BCAS1: variants seen among roughly 807,000 people sequenced by gnomAD.
The protein encoded by BCAS1 is breast carcinoma-amplified sequence 1.
A neutral mutation model predicts 65.4 loss-of-function variants in BCAS1; 46 were observed. That is an observed-to-expected ratio of 0.70 (90% CI 0.55 to 0.90). BCAS1 has a LOEUF of 0.90. BCAS1 is among the 40% of genes least tolerant of loss of function. The pLI, the probability that BCAS1 is intolerant of heterozygous loss-of-function variation, is 0.00. For synonymous variants in BCAS1, 298 were observed against 293.5 expected (o/e 1.02, Z -0.16); for missense variants, 793 against 771.2 (o/e 1.03, Z -0.33).
intron 3 of BCAS1, among the ~76,000 whole-genome samples, chr20:54,046,759 C>A (rs1473575047): frequency 6.7e-6 from 1 of 148,428 alleles, no homozygotes; most frequent in Non-Finnish European, 1.5e-5. Context: ...GCAGGAGAAT[C>A]ACTTGATCTG....
chr20:54,045,200 G>T (rs1325800446), intron 3 of BCAS1, among the ~76,000 whole-genome samples: 1 of 140,084 alleles, frequency 7.1e-6, no homozygotes, highest in Non-Finnish European at 1.5e-5. Flanking sequence ...GACAGAGCAA[G>T]ACCTCATCTC....
Position 54,028,472 on chromosome 20 carries a change from C to T in BCAS1, c.643G>A (p.Ala215Thr), listed in dbSNP as rs1341711137. The change falls in exon 4 of 13, where the codon GCC becomes ACC. Residue 215 changes from alanine (A) to threonine (T), a missense_variant. Physicochemically the swap from Ala to Thr is moderately conservative, Grantham distance 58. Coordinates refer to ENST00000688948, the MANE Select transcript of BCAS1 (RefSeq NM_001366298.2). The part of the protein sequence containing the change: ...EKVPGDSQQE[A>T]KRAEHQDKVD... ...TTGTCTTGATGCTCTGCCCTCTTGGCTTCCTGTTGGCTGTCACCTGGCACC... is the reference window on the plus strand; with the variant it reads ...TTGTCTTGATGCTCTGCCCTCTTGGTTTCCTGTTGGCTGTCACCTGGCACC... 1.2e-6 allele frequency: 2 copies of T among 1,614,240 alleles called. No individual in the cohort carries two copies. The highest frequency in any genetic ancestry group is 1.7e-6 in the Non-Finnish European group (2 of 1,180,042).
At position 54,034,573 on chromosome 20, in the gene BCAS1, T is replaced by A. The variant is rs1173691794; in HGVS notation, c.143-5601A>T. ...GTAAAATACCTAGGAAAACAGCTAA[T>A]TAGGGAGGTGAAAGATCTCTACAAG... On this transcript the variant is annotated intron_variant, in intron 3 of 12. Coordinates refer to ENST00000688948, the MANE Select transcript of BCAS1 (RefSeq NM_001366298.2). 1.3e-5 allele frequency among the ~76,000 whole-genome samples: 2 copies of A among 150,910 alleles called. 1 individual carries two copies. The highest frequency in any genetic ancestry group is 3.0e-5 in the Non-Finnish European group (2 of 67,464).
intron 7 of BCAS1, among the ~76,000 whole-genome samples, 197 bp downstream of exon 7, chr20:53,992,315 C>T (rs941910342): frequency 6.6e-6 from 1 of 152,086 alleles, no homozygotes; most frequent in Non-Finnish European, 1.5e-5. Flanking sequence ...TAGGAAGACA[C>T]CTGTTTGAAA....
At position 54,028,900 on chromosome 20, in the gene BCAS1, A is replaced by G; in HGVS notation, c.215T>C (p.Val72Ala). The G allele has an allele frequency of 6.2e-7, 1 of 1,613,902 alleles. No homozygotes were observed. The highest frequency in any genetic ancestry group is 8.5e-7 in the Non-Finnish European group (1 of 1,179,972). ...SSPETTEISAVADANGKNLGK... is the reference protein window; with the variant it reads ...SSPETTEISAAADANGKNLGK... Reference sequence around the variant, plus strand: ...AAGATTCTTTCCGTTGGCATCCGCAACAGCACTTATCTCCGTTGTCTCGGG... The same window carrying G: ...AAGATTCTTTCCGTTGGCATCCGCAGCAGCACTTATCTCCGTTGTCTCGGG... Residue 72 changes from valine (V) to alanine (A), a missense_variant, in exon 4 of 13, where the codon GTT (valine) becomes GCT (alanine). By Grantham distance (64) the Val-to-Ala change is moderately conservative. Coordinates refer to ENST00000688948, the MANE Select transcript of BCAS1 (RefSeq NM_001366298.2).
chr20:54,039,725 C>T (rs1018579479), intron 3 of BCAS1, among the ~76,000 whole-genome samples: 2 of 151,178 alleles, frequency 1.3e-5, no homozygotes, highest in African/African-American at 4.8e-5. Flanking sequence ...ACATTTAACC[C>T]GTGTTTACAA....
At position 53,944,941 on chromosome 20, in the gene BCAS1, G is replaced by T. The variant is rs1477050425; in HGVS notation, c.1871C>A (p.Pro624Gln). Residue 624 changes from proline to glutamine, a missense_variant, in exon 13 of 13, where the codon CCA becomes CAA. Transcript: ENST00000688948. ...QVQTDPVSIG[P>Q]VGKSK ...ATTTGTTTACTTGGATTTGCCAACT[G>T]GTCCGATGGATACTGGGTCTGTTTG... is the stretch of plus-strand genomic sequence containing the variant. The T allele has an allele frequency of 1.2e-6, 2 of 1,614,036 alleles. No homozygotes were observed. The highest frequency in any genetic ancestry group is 1.7e-5 in the Admixed American group (1 of 60,010).
At chr20:53,994,921 A>G in intron 6 of BCAS1, 91 bp downstream of exon 6, 1 of 1,054,134 alleles carries the variant, frequency 9.5e-7, no homozygotes, top group South Asian at 1.3e-5. Flanking sequence ...ACACACATAT[A>G]TGTATTCAAA....
chr20:53,977,846 T>G (rs939285337), intron 8 of BCAS1, among the ~76,000 whole-genome samples: 1 of 152,212 alleles, frequency 6.6e-6, no homozygotes, highest in African/African-American at 2.4e-5. Flanking sequence ...TCTCTCAAAC[T>G]TCAATGATTT....
At chr20:53,996,659 G>C (rs2090923241) in intron 4 of BCAS1, among the ~76,000 whole-genome samples, 1 of 152,072 alleles carries the variant, frequency 6.6e-6, no homozygotes, top group African/African-American at 2.4e-5. Flanking sequence ...CACGACCCCA[G>C]GACAGGAAGC....
intron 7 of BCAS1, among the ~76,000 whole-genome samples, chr20:53,990,520 T>A (rs563259853): frequency 9.8e-5 from 15 of 152,296 alleles, no homozygotes; most frequent in Admixed American, 2.6e-4. Flanking sequence ...ACTTTTTTTT[T>A]AATAGCAAAA....
chr20:53,992,391 A>T, intron 7 of BCAS1, 121 bp downstream of exon 7: 1 of 760,346 alleles, frequency 1.3e-6, no homozygotes, highest in Non-Finnish European at 1.9e-6. Context: ...ATTCTCTTTT[A>T]ATGATCCCCA....
chr20:54,061,838 A>G (rs1438592577), intron 1 of BCAS1, among the ~76,000 whole-genome samples: 2 of 152,246 alleles, frequency 1.3e-5, no homozygotes, highest in African/African-American at 4.8e-5. Context: ...TTAATGGGAC[A>G]TTATGAATAA....
chr20:54,059,066 C>T (rs1467749629), intron 1 of BCAS1, among the ~76,000 whole-genome samples: 1 of 152,134 alleles, frequency 6.6e-6, no homozygotes, highest in Non-Finnish European at 1.5e-5. Context: ...TCAGATCTCG[C>T]GAGACTCACT....
At chr20:54,050,106 C>T (rs2092184509) in intron 3 of BCAS1, among the ~76,000 whole-genome samples, 1 of 152,166 alleles carries the variant, frequency 6.6e-6, no homozygotes, top group Non-Finnish European at 1.5e-5. Context: ...GCTCCATTCT[C>T]CAGCTTCCAG....
chr20:53,994,453 G>A (rs937980220), intron 6 of BCAS1, among the ~76,000 whole-genome samples: 19 of 152,218 alleles, frequency 1.2e-4, no homozygotes, highest in African/African-American at 4.6e-4. Context: ...ATGGCCATCC[G>A]TTTGGCAGGT....
chr20:54,016,794 C>G (rs539570584), intron 4 of BCAS1, among the ~76,000 whole-genome samples: 37 of 152,284 alleles, frequency 2.4e-4, no homozygotes, highest in Admixed American at 4.6e-4. Context: ...TAAAAATGTT[C>G]CACTTAGCCA....
At chr20:53,949,424 C>T (rs117456322) in intron 12 of BCAS1, among the ~76,000 whole-genome samples, 1,802 of 152,280 alleles carry the variant, frequency 0.012, 4 homozygotes, top group Non-Finnish European at 0.013. Context: ...ACCTGACTAA[C>T]GAGGACGTCA....
chr20:54,062,636 T>G (rs1568935390), intron 1 of BCAS1, among the ~76,000 whole-genome samples: 1 of 152,222 alleles, frequency 6.6e-6, no homozygotes, highest in Non-Finnish European at 1.5e-5. Flanking sequence ...ATGAAAAACC[T>G]TGGTGCTGGA....
Sources: gnomAD v4.1 joint callset for allele counts (sites outside exome capture counted in the v4.1 genomes callset) on GRCh38, gnomAD v4.1.1 for gene constraint, MANE v1.5 for transcripts, NCBI Gene and HGNC (gene_info 2026-07-23, HGNC 2026-07-21) for gene names.